ATG4A: variants seen among roughly 807,000 people sequenced by gnomAD.
ATG4A encodes the protein autophagy related 4A cysteine peptidase, also known as cysteine protease ATG4A.
ATG4A carries 22 observed loss-of-function variants against 38.4 expected under a neutral mutation model. That is an observed-to-expected ratio of 0.57 (90% CI 0.41 to 0.82). ATG4A has a LOEUF of 0.82. Among genes scored for constraint, ATG4A ranks in the 40% least tolerant of loss-of-function variants. ATG4A has a pLI of 0.00. For synonymous variants in ATG4A, 86 were observed against 100.7 expected (o/e 0.85, Z 0.88); for missense variants, 220 against 290.0 (o/e 0.76, Z 1.75).
intron 1 of ATG4A, among the ~76,000 whole-genome samples, chrX:108,115,727 A>G (rs1214105821): frequency 2.7e-5 from 3 of 112,252 alleles, no homozygotes; most frequent in Admixed American, 1.9e-4. Context: ...CTCTTGGTGA[A>G]CATAAGCACT....
At chrX:108,110,135 C>T (rs2032313705) in intron 1 of ATG4A, among the ~76,000 whole-genome samples, 1 of 105,436 alleles carries the variant, frequency 9.5e-6, no homozygotes, top group Non-Finnish European at 1.9e-5. Flanking sequence ...CTTTGGGAGG[C>T]CAAGGCGGGG....
intron 3 of ATG4A, among the ~76,000 whole-genome samples, chrX:108,129,061 A>G (rs2032878658): frequency 8.9e-6 from 1 of 112,335 alleles, no homozygotes; most frequent in African/African-American, 3.2e-5. Flanking sequence ...GGATTATGAC[A>G]GTATACTTTT....
intron 4 of ATG4A, among the ~76,000 whole-genome samples, chrX:108,132,139 T>C (rs1569308533): frequency 8.9e-6 from 1 of 111,734 alleles, no homozygotes; most frequent in Non-Finnish European, 1.9e-5. Flanking sequence ...CCTCAGAGGA[T>C]CCACCCGCCT....
chrX:108,139,224 C>T (rs775682775), intron 9 of ATG4A, among the ~76,000 whole-genome samples: 19 of 111,863 alleles, frequency 1.7e-4, no homozygotes, highest in East Asian at 5.6e-4. Flanking sequence ...AACAGACACA[C>T]GTGGCTTTGC....
intron 1 of ATG4A, among the ~76,000 whole-genome samples, chrX:108,097,297 G>A (rs1045782383): frequency 1.8e-5 from 2 of 112,161 alleles, no homozygotes; most frequent in Middle Eastern, 4.2e-3. Context: ...ATGGAATTAT[G>A]TGTAAATGAT....
chrX:108,150,911 C>T (rs989314681), intron 10 of ATG4A, among the ~76,000 whole-genome samples: 2 of 112,329 alleles, frequency 1.8e-5, no homozygotes, highest in East Asian at 2.8e-4. Flanking sequence ...CTTCTCATCT[C>T]TAAAATGAGG....
At chrX:108,136,084 G>C (rs2148009936) in intron 6 of ATG4A, among the ~76,000 whole-genome samples, 1 of 111,304 alleles carries the variant, frequency 9.0e-6, no homozygotes, top group South Asian at 3.8e-4. Flanking sequence ...GCCTGGTGTA[G>C]ATTTTTTTAA....
chrX:108,129,870 CTT>C (rs775581997), intron 3 of ATG4A, among the ~76,000 whole-genome samples: 25 of 94,990 alleles, frequency 2.6e-4, no homozygotes, highest in Admixed American at 1.4e-3. Flanking sequence ...GCTCCCGGCC[CTT>C]TTTTTTTTTT....
chrX:108,094,989 C>G (rs181522853), intron 1 of ATG4A, among the ~76,000 whole-genome samples: 1 of 112,759 alleles, frequency 8.9e-6, no homozygotes, highest in African/African-American at 3.2e-5. Flanking sequence ...GAGTCTCACT[C>G]TGTCACCCAG....
chrX:108,146,609 G>A (rs1272086627), intron 9 of ATG4A, among the ~76,000 whole-genome samples: 1 of 111,624 alleles, frequency 9.0e-6, no homozygotes, highest in African/African-American at 3.3e-5. Flanking sequence ...AGTACTCTTC[G>A]AAGATGCATG....
intron 1 of ATG4A, among the ~76,000 whole-genome samples, chrX:108,109,238 C>T (rs776567807): frequency 2.7e-5 from 3 of 112,304 alleles, no homozygotes; most frequent in Admixed American, 9.4e-5. Context: ...TTGCATTTCT[C>T]TGAAAGTTGA....
At chrX:108,095,208 T>G (rs928052166) in intron 1 of ATG4A, among the ~76,000 whole-genome samples, 4 of 112,086 alleles carry the variant, frequency 3.6e-5, no homozygotes, top group African/African-American at 1.3e-4. Context: ...ATTACAGGCA[T>G]GAGCCACTGT....
chrX:108,114,241 T>G (rs1305069743), intron 1 of ATG4A, among the ~76,000 whole-genome samples: 8 of 111,670 alleles, frequency 7.2e-5, no homozygotes, highest in Non-Finnish European at 1.5e-4. Context: ...AACGCTTAGT[T>G]TGGGGCATAT....
chrX:108,111,582 A>G lies in ATG4A; in HGVS notation c.11-14495A>G, dbSNP rs2032355893. Among the ~76,000 whole-genome samples the G allele has an allele frequency of 2.7e-5, 3 of 111,598 alleles. No homozygotes were observed. In the South Asian group the frequency reaches 1.1e-3, roughly 42 times the overall value. On this transcript the variant is annotated intron_variant, in intron 1 of 12. Transcript: ENST00000372232. ...CCAGGCTTTGGATGAAGAAACTCAA[A>G]TTAAACCCAATTCTGGGCCCTGCTT...
At chrX:108,141,997 A>G (rs769886697) in intron 9 of ATG4A, among the ~76,000 whole-genome samples, 49 of 111,416 alleles carry the variant, frequency 4.4e-4, no homozygotes, top group African/African-American at 1.5e-3. Context: ...ATGGAATACT[A>G]TGTGGCCATA....
chrX:108,141,066 A>ACG (rs2033265273), intron 9 of ATG4A, among the ~76,000 whole-genome samples: 1 of 33,365 alleles, frequency 3.0e-5, no homozygotes, highest in African/African-American at 1.2e-4. Flanking sequence ...ACGTGTATAT[A>ACG]TATACATATA....
At chrX:108,148,224 A>C (rs918111479) in intron 9 of ATG4A, among the ~76,000 whole-genome samples, 15 of 106,901 alleles carry the variant, frequency 1.4e-4, no homozygotes, top group African/African-American at 4.4e-4. Context: ...CATGGGAGAA[A>C]GACGTAGGCT....
intron 11 of ATG4A, chrX:108,152,081 AG>A (rs1481050010): frequency 2.2e-5 from 7 of 322,300 alleles, no homozygotes; most frequent in African/African-American, 1.8e-4. Context: ...ATGTCAAGGG[AG>A]TGATATTTTT....
upstream of ATG4A, chrX:108,091,499 G>A (rs1444318832): frequency 8.3e-6 from 10 of 1,210,635 alleles, no homozygotes; most frequent in Non-Finnish European, 1.1e-5. Context: ...CAGACCATTA[G>A]GTTAGACACA....
Sources: gnomAD v4.1 joint callset for allele counts (sites outside exome capture counted in the v4.1 genomes callset) on GRCh38, gnomAD v4.1.1 for gene constraint, MANE v1.5 for transcripts, NCBI Gene and HGNC (gene_info 2026-07-23, HGNC 2026-07-21) for gene names.